The following PIAS4 variants were observed in gnomAD, a reference collection of about 807,000 sequenced individuals.
The protein encoded by PIAS4 is E3 SUMO-protein ligase PIAS4.
Under a neutral mutation model 58.0 loss-of-function variants are expected in PIAS4, and 7 were observed. The observed-to-expected ratio is 0.12, with a 90% CI of 0.07 to 0.23. The LOEUF is 0.23. Ranked by LOEUF, PIAS4 falls within the 10% of genes least tolerant of loss-of-function variation. The pLI is 1.00. For missense variants in PIAS4, 550 were observed against 709.5 expected, an observed-to-expected ratio of 0.78 and a Z score of 2.55; for synonymous variants, 364 against 312.4, an observed-to-expected ratio of 1.17 and a Z score of -1.74.
chr19:4,011,015 G>A (rs1406057147), intron 1 of PIAS4, among the ~76,000 whole-genome samples: 1 of 152,210 alleles, frequency 6.6e-6, no homozygotes, highest in Non-Finnish European at 1.5e-5. Context: ...AGTGGGCCCC[G>A]GCTGCTGCAG....
chr19:4,012,906 T>C lies in PIAS4; in HGVS notation c.28-17T>C, dbSNP rs1322211285. On this transcript the variant is annotated splice_polypyrimidine_tract_variant and intron_variant, in intron 1 of 10. Transcript: ENST00000262971. Reference sequence around the variant, plus strand: ...CAGCTGTGTCCTCTGAGTGTGTGTGTGCTTGCTCCTCCTCAGAACATGGTG... The same window carrying C: ...CAGCTGTGTCCTCTGAGTGTGTGTGCGCTTGCTCCTCCTCAGAACATGGTG... 1 of 1,600,506 alleles carries C rather than the reference T, an allele frequency of 6.2e-7. No individual in the cohort carries two copies.
chr19:4,023,631 G>A (rs753532388), intron 2 of PIAS4, among the ~76,000 whole-genome samples: 9 of 152,214 alleles, frequency 5.9e-5, no homozygotes, highest in Non-Finnish European at 1.3e-4. Context: ...TGGCCACCCT[G>A]CAGGCAGGAG....
Position 4,038,751 on chromosome 19 carries a change from C to G in PIAS4, c.*876C>G. 6.5e-6 allele frequency: 1 copy of G among 154,826 alleles called. No individual in the cohort carries two copies. The highest frequency in any genetic ancestry group is 1.7e-4 in the South Asian group (1 of 5,738). 9.6% of individuals were successfully genotyped at this position (154,826 alleles called of 1,614,324 possible). A position where few individuals can be genotyped will look rare whatever the true frequency, so the allele number is the denominator to read the frequency against. ...CCGCCGCCGCCACCATACCCCGGTC[C>G]TTGGGGCATGGGTTGCGGTCGCTTC... On this transcript the variant is annotated 3_prime_UTR_variant, in exon 11 of 11. Transcript: ENST00000262971. The surrounding 1 kb of genome is among the most constrained non-coding windows in gnomAD (Gnocchi z 4.1).
rs2040333375 is a variant in PIAS4 at position 4,039,014 on chromosome 19, G to A, written c.*1139G>A. Reference sequence around the variant, plus strand: ...GTCCAACAACTGGGGGAGCTACCAGGGCTCTGCCTTCAGGAGCCCACAGCT... The same window carrying A: ...GTCCAACAACTGGGGGAGCTACCAGAGCTCTGCCTTCAGGAGCCCACAGCT... On this transcript the variant is annotated 3_prime_UTR_variant, in exon 11 of 11. Coordinates refer to ENST00000262971, the MANE Select transcript of PIAS4 (RefSeq NM_015897.4). 1 of 152,272 alleles carries A rather than the reference G, an allele frequency of 6.6e-6. No individual in the cohort carries two copies. Among genetic ancestry groups the A allele is most frequent in the Non-Finnish European group, 1.5e-5 (1 of 68,092 alleles). The allele number at this position is 152,272 out of a possible 1,614,324, so 9.4% of individuals were successfully genotyped here.
intron 3 of PIAS4, 22 bp downstream of exon 3, chr19:4,024,142 C>T: frequency 6.3e-7 from 1 of 1,579,676 alleles, no homozygotes; most frequent in Non-Finnish European, 8.7e-7. Context: ...CTCCCCCAGC[C>T]CAGCACCCCA....
intron 9 of PIAS4, among the ~76,000 whole-genome samples, chr19:4,035,269 T>G (rs926391098): frequency 6.6e-6 from 1 of 152,098 alleles, no homozygotes; most frequent in African/African-American, 2.4e-5. Flanking sequence ...TGGGAGCAGC[T>G]GTAGCCTTGA....
chr19:4,031,461 A>G (rs2144935645), intron 7 of PIAS4, among the ~76,000 whole-genome samples: 1 of 152,284 alleles, frequency 6.6e-6, no homozygotes, highest in Non-Finnish European at 1.5e-5. Flanking sequence ...TGAGGCACAG[A>G]GTGGCAAAGT....
At chr19:4,022,905 C>T (rs2040124408) in intron 2 of PIAS4, among the ~76,000 whole-genome samples, 1 of 151,498 alleles carries the variant, frequency 6.6e-6, no homozygotes, top group Admixed American at 6.6e-5. Context: ...GGCGCCGTAG[C>T]TCATGCCTGT....
At chr19:4,014,363 A>T (rs1444987529) in intron 2 of PIAS4, among the ~76,000 whole-genome samples, 2 of 152,006 alleles carry the variant, frequency 1.3e-5, no homozygotes, top group East Asian at 1.9e-4. Context: ...CCTCAGCCAT[A>T]GCCCTGAGCT....
chr19:4,028,340 A>T, intron 4 of PIAS4, 153 bp downstream of exon 4: 1 of 803,438 alleles, frequency 1.2e-6, no homozygotes, highest in Non-Finnish European at 2.0e-6. Context: ...CTGGGGATAC[A>T]TCACCATCCG....
rs934322536 is a variant in PIAS4, at chr19:4,036,543, C to G, written c.1143-831C>G. On this transcript the variant is annotated intron_variant, in intron 9 of 10. Coordinates refer to ENST00000262971, the MANE Select transcript of PIAS4 (RefSeq NM_015897.4). Reference sequence around the variant, plus strand: ...ATACAGTCCACACCTGTTACATGCACACATCTATACAGTCCACACCGTCAC... The same window carrying G: ...ATACAGTCCACACCTGTTACATGCAGACATCTATACAGTCCACACCGTCAC... 1.4e-5 allele frequency among the ~76,000 whole-genome samples: 2 copies of G among 143,162 alleles called. 1 individual carries two copies. The highest frequency in any genetic ancestry group is 5.6e-5 in the African/African-American group (2 of 35,576). The allele number at this position is 143,162 out of a possible 152,430, so 93.9% of individuals were successfully genotyped here. A position where few individuals can be genotyped will look rare whatever the true frequency, so the allele number is the denominator to read the frequency against.
At chr19:4,026,134 T>C (rs111961253) in intron 3 of PIAS4, among the ~76,000 whole-genome samples, 197 of 149,064 alleles carry the variant, frequency 1.3e-3, no homozygotes, top group African/African-American at 4.7e-3. Context: ...CATTTCTTTT[T>C]CTTTTTCTTT....
At position 4,033,509 on chromosome 19, in the gene PIAS4, C is replaced by T. The variant is rs150771656; in HGVS notation, c.1071C>T (p.Asn357=). The T allele has an allele frequency of 4.8e-4, 773 of 1,603,788 alleles. 5 individuals are homozygous for T. In the Admixed American group the frequency reaches 0.012, roughly 25 times the overall value. Residue 357 remains asparagine, a synonymous_variant, in exon 9 of 11, where the codon AAC becomes AAT. Coordinates refer to ENST00000262971, the MANE Select transcript of PIAS4 (RefSeq NM_015897.4). ...ACGCCGTCTTCTACCTGCAGATGAA[C>T]GAGAAGAAGCCCACCTGGATGTGCC... ...CFDAVFYLQM[N]EKKPTWMCPV... is the part of the protein sequence containing the mutation.
In PIAS4 at chr19:4,028,207, C is replaced by G; in HGVS notation, c.581+20C>G. 3 of 1,606,694 alleles carry G rather than the reference C, an allele frequency of 1.9e-6. No individual in the cohort carries two copies. Among genetic ancestry groups the G allele is most frequent in the African/African-American group, 1.3e-5 (1 of 74,900 alleles). On this transcript the variant is annotated intron_variant, in intron 4 of 10. Coordinates refer to ENST00000262971, the MANE Select transcript of PIAS4 (RefSeq NM_015897.4). ...CCTGAGGTATGCCCAGGTGTGCCCG[C>G]GACCCCAGGGCTGGACCCCCAGCCA...
intron 7 of PIAS4, among the ~76,000 whole-genome samples, chr19:4,032,187 A>G (rs899449633): frequency 6.6e-6 from 1 of 151,172 alleles, no homozygotes; most frequent in Non-Finnish European, 1.5e-5. Context: ...AGGCGGAGGA[A>G]CGTCAGGACA....
Position 4,028,668 on chromosome 19 carries a change from C to T in PIAS4, c.673-52C>T, listed in dbSNP as rs565646047. On this transcript the variant is annotated intron_variant, in intron 5 of 10. Coordinates refer to ENST00000262971, the MANE Select transcript of PIAS4 (RefSeq NM_015897.4). ...GGCGTGGAGGGAGGGTGGGGGCCGT[C>T]GGATTTCCCAGCCGCTCTTGGCTCG... is the stretch of plus-strand genomic sequence containing the variant. The T allele has an allele frequency of 1.4e-5, 22 of 1,603,728 alleles. No homozygotes were observed. The East Asian group carries it at 1.8e-4, about 13-fold the overall frequency.
Position 4,015,751 on chromosome 19 carries a change from A to G in PIAS4, c.454+2402A>G, listed in dbSNP as rs368873224. Among the ~76,000 whole-genome samples the G allele has an allele frequency of 3.3e-3, 491 of 149,706 alleles. 22 individuals are homozygous for G. In the South Asian group the frequency reaches 0.089, roughly 27 times the overall value. ...ACCCAGTTCCACCGGCTTCTCCCTC[A>G]CTCCCTCCTCTGGCTGTGACCCACC... On this transcript the variant is annotated intron_variant, in intron 2 of 10. Transcript: ENST00000262971.
At chr19:4,007,880 C>G (rs2039958092) in intron 1 of PIAS4, 93 bp downstream of exon 1, 1 of 1,005,140 alleles carries the variant, frequency 9.9e-7, no homozygotes. Flanking sequence ...GTCCGGGGCC[C>G]CACAGCGCGG....
intron 7 of PIAS4, among the ~76,000 whole-genome samples, chr19:4,030,632 A>T (rs1243365439): frequency 6.6e-6 from 1 of 151,338 alleles, no homozygotes; most frequent in East Asian, 1.9e-4. Context: ...AAAAAAAAAA[A>T]GCCTGCCAAG....
Sources: gnomAD v4.1 joint callset for allele counts (sites outside exome capture counted in the v4.1 genomes callset) on GRCh38, gnomAD v4.1.1 for gene constraint, Gnocchi (gnomAD v3.1) non-coding constraint, MANE v1.5 for transcripts, NCBI Gene and HGNC (gene_info 2026-07-23, HGNC 2026-07-21) for gene names.